The following TNRC6B variants were observed in gnomAD, a reference collection of about 807,000 sequenced individuals.
TNRC6B encodes the protein trinucleotide repeat-containing gene 6B protein.
In TNRC6B, 52 loss-of-function variants were observed where a neutral mutation model predicts 203.6. The observed-to-expected ratio is 0.26, with a 90% CI of 0.20 to 0.32. The LOEUF is 0.32. Ranked by LOEUF, TNRC6B falls within the 10% of genes least tolerant of loss-of-function variation. The probability of loss-of-function intolerance (pLI) is 1.00; values close to 1 mark genes in which losing one functional copy is unlikely to be tolerated. For synonymous variants in TNRC6B, 838 were observed against 845.7 expected, an observed-to-expected ratio of 0.99 and a Z score of 0.16; for missense variants, 1,923 against 2,286.2, an observed-to-expected ratio of 0.84 and a Z score of 3.24.
chr22:40,106,758 G>A, intron 1 of TNRC6B: 2 of 791,134 alleles, frequency 2.5e-6, no homozygotes, highest in Non-Finnish European at 4.5e-6. Context: ...CGGACCTTTG[G>A]GCTTACCCCA....
intron 1 of TNRC6B, among the ~76,000 whole-genome samples, chr22:40,046,302 A>C (rs888878067): frequency 6.6e-6 from 1 of 152,322 alleles, no homozygotes; most frequent in Non-Finnish European, 1.5e-5. Context: ...CTTTTAGCGC[A>C]TTGTCTCTAC....
rs937894543 is a variant in TNRC6B, at chr22:40,333,905, C to T, written c.*10664C>T. The stretch of plus-strand genomic sequence containing the variant: ...TCTTTGCAGACACCCCCTTCGCCCC[C>T]ATCTTTAAGATAAACCCTTTACTAG... On this transcript the variant is annotated 3_prime_UTR_variant, in exon 23 of 23. Transcript: ENST00000454349. The T allele has an allele frequency of 3.3e-5, 5 of 152,674 alleles. No individual in the cohort carries two copies. Among genetic ancestry groups the T allele is most frequent in the African/African-American group, 4.8e-5 (2 of 41,448 alleles). The allele number at this position is 152,674 out of a possible 1,614,324, so 9.5% of individuals were successfully genotyped here.
intron 22 of TNRC6B, 76 bp downstream of exon 22, chr22:40,321,305 A>C: frequency 2.6e-6 from 4 of 1,524,010 alleles, no homozygotes; most frequent in Non-Finnish European, 3.6e-6. Context: ...CAGCTGCTGA[A>C]TTAAAGATGC....
chr22:40,050,489 TG>T (rs2067735678), intron 1 of TNRC6B, among the ~76,000 whole-genome samples: 1 of 152,200 alleles, frequency 6.6e-6, no homozygotes, highest in Admixed American at 6.5e-5. Flanking sequence ...TCTCTTGGCT[TG>T]GGCTGTCCTT....
At chr22:40,214,652 A>T (rs2069610814) in intron 1 of TNRC6B, among the ~76,000 whole-genome samples, 1 of 151,920 alleles carries the variant, frequency 6.6e-6, no homozygotes, top group Non-Finnish European at 1.5e-5. Flanking sequence ...TTCTGGGCTC[A>T]GATGATTTTC....
At chr22:40,142,723 C>A (rs1368583507) in intron 3 of TNRC6B, among the ~76,000 whole-genome samples, 2 of 152,056 alleles carry the variant, frequency 1.3e-5, no homozygotes, top group African/African-American at 4.8e-5. Flanking sequence ...GCACATTGTC[C>A]ATACACTGCT....
At chr22:40,228,053 T>C (rs2069816195) in intron 1 of TNRC6B, among the ~76,000 whole-genome samples, 1 of 152,226 alleles carries the variant, frequency 6.6e-6, no homozygotes, top group Non-Finnish European at 1.5e-5. Context: ...GTGCTGACGG[T>C]AGAGTGCTGC....
At chr22:40,136,371 T>TTGTGTGTGTGTGTGTGTGTG (rs56246561) in intron 3 of TNRC6B, among the ~76,000 whole-genome samples, 48 of 141,168 alleles carry the variant, frequency 3.4e-4, no homozygotes, top group East Asian at 2.3e-3. Flanking sequence ...TATGTTTATC[T>TTGTGTGTGTGTGTGTGTGTG]TGTGTGTGTG....
At chr22:40,252,327 A>G (rs2070207384) in intron 3 of TNRC6B, among the ~76,000 whole-genome samples, 1 of 152,232 alleles carries the variant, frequency 6.6e-6, no homozygotes, top group Non-Finnish European at 1.5e-5. Flanking sequence ...TCACTGCCTT[A>G]GATGAAGGGA....
intron 1 of TNRC6B, among the ~76,000 whole-genome samples, chr22:40,057,380 G>A (rs28597843): frequency 1.4e-5 from 2 of 142,730 alleles, no homozygotes; most frequent in African/African-American, 2.6e-5. Flanking sequence ...CGCAACCTCC[G>A]CCTCCTGGGT....
intron 3 of TNRC6B, among the ~76,000 whole-genome samples, chr22:40,129,278 A>G (rs1480650495): frequency 6.6e-6 from 1 of 152,208 alleles, no homozygotes; most frequent in Non-Finnish European, 1.5e-5. Flanking sequence ...TAGGGCAGCC[A>G]TTGAAGGCTG....
At chr22:40,228,041 A>G (rs2146445918) in intron 1 of TNRC6B, among the ~76,000 whole-genome samples, 1 of 152,292 alleles carries the variant, frequency 6.6e-6, no homozygotes. Context: ...CTTCGCTGTC[A>G]AGTGCTGACG....
chr22:40,083,525 G>A (rs1319111180), intron 1 of TNRC6B, among the ~76,000 whole-genome samples: 3 of 152,128 alleles, frequency 2.0e-5, no homozygotes, highest in African/African-American at 7.2e-5. Context: ...GAAAAATGGA[G>A]TATTAGCTGA....
chr22:40,272,923 T>C (rs375582211), intron 6 of TNRC6B, among the ~76,000 whole-genome samples: 2 of 152,184 alleles, frequency 1.3e-5, no homozygotes, highest in South Asian at 2.1e-4. Context: ...TTATAAAAAA[T>C]TTTCCCCCTT....
intron 11 of TNRC6B, 33 bp downstream of exon 11, chr22:40,281,322 G>A: frequency 6.6e-7 from 1 of 1,508,740 alleles, no homozygotes; most frequent in Non-Finnish European, 8.9e-7. Flanking sequence ...TAACTGCTTG[G>A]CTATGGCCTC....
At chr22:40,255,806 T>G (rs2070267463) in intron 3 of TNRC6B, among the ~76,000 whole-genome samples, 1 of 152,220 alleles carries the variant, frequency 6.6e-6, no homozygotes, top group Admixed American at 6.5e-5. Context: ...AATCCCTTCC[T>G]GGATACTGTA....
chr22:40,145,170 C>T (rs928486419), intron 3 of TNRC6B, among the ~76,000 whole-genome samples: 5 of 151,768 alleles, frequency 3.3e-5, no homozygotes, highest in Non-Finnish European at 5.9e-5. Flanking sequence ...CACTTGAATT[C>T]GGGATGTCAA....
chr22:40,123,887 AAG>A (rs1413373202), intron 2 of TNRC6B, among the ~76,000 whole-genome samples: 1 of 145,462 alleles, frequency 6.9e-6, no homozygotes, highest in African/African-American at 2.8e-5. Context: ...TTTTTATAGA[AAG>A]AGAACTTTTT....
intron 1 of TNRC6B, among the ~76,000 whole-genome samples, chr22:40,235,065 A>C (rs1178646217): frequency 6.6e-6 from 1 of 152,026 alleles, no homozygotes; most frequent in Non-Finnish European, 1.5e-5. Flanking sequence ...TCTTACCCCA[A>C]ATTTGCGTGT....
Sources: gnomAD v4.1 joint callset for allele counts (sites outside exome capture counted in the v4.1 genomes callset) on GRCh38, gnomAD v4.1.1 for gene constraint, MANE v1.5 for transcripts, NCBI Gene and HGNC (gene_info 2026-07-23, HGNC 2026-07-21) for gene names.